Variants in TENM2 observed in about 807,000 individuals in gnomAD.
The protein encoded by TENM2 is teneurin transmembrane protein 2.
In TENM2, 52 loss-of-function variants were observed where a neutral mutation model predicts 245.2. That is an observed-to-expected ratio of 0.21 (90% CI 0.17 to 0.27). The LOEUF is 0.27. Ranked by LOEUF, TENM2 falls within the 10% of genes least tolerant of loss-of-function variation. TENM2 has a pLI of 1.00. For synonymous variants in TENM2, 1,363 were observed against 1,438.9 expected (o/e 0.95, Z 1.19); for missense variants, 3,046 against 3,666.8 (o/e 0.83, Z 4.37).
chr5:167,086,376 T>G, the TENM2 span, among the ~76,000 whole-genome samples: 6 of 152,270 alleles, frequency 3.9e-5, no homozygotes, highest in African/African-American at 1.4e-4. Context: ...CGTATCTTGG[T>G]GAAAGTTAAG....
intron 12 of TENM2, among the ~76,000 whole-genome samples, chr5:168,133,802 C>T (rs1346648995): frequency 6.6e-6 from 1 of 152,194 alleles, no homozygotes; most frequent in African/African-American, 2.4e-5. Context: ...CTCATCCATC[C>T]ACGTCTGCTT....
intron 3 of TENM2, among the ~76,000 whole-genome samples, chr5:167,905,336 A>G (rs1776008649): frequency 6.6e-6 from 1 of 152,234 alleles, no homozygotes; most frequent in Non-Finnish European, 1.5e-5. Flanking sequence ...TGGAGTTACC[A>G]CGAATGAATC....
At chr5:167,046,925 A>G in the TENM2 span, among the ~76,000 whole-genome samples, 1 of 145,296 alleles carries the variant, frequency 6.9e-6, no homozygotes, top group Admixed American at 7.0e-5. Context: ...CTCATTGTTC[A>G]CCTCCCACTT....
chr5:167,966,265 G>A (rs1781380802), intron 4 of TENM2, among the ~76,000 whole-genome samples: 1 of 152,190 alleles, frequency 6.6e-6, no homozygotes, highest in South Asian at 2.1e-4. Flanking sequence ...AAGAAGCACA[G>A]CTACTTGTTT....
At chr5:167,907,654 A>G (rs1776218333) in intron 3 of TENM2, among the ~76,000 whole-genome samples, 2 of 148,516 alleles carry the variant, frequency 1.3e-5, no homozygotes, top group South Asian at 2.2e-4. Context: ...TATAGTCCCA[A>G]CACTTTGGGA....
intron 2 of TENM2, among the ~76,000 whole-genome samples, chr5:167,482,638 G>A (rs1458280230): frequency 6.6e-6 from 1 of 152,082 alleles, no homozygotes; most frequent in Non-Finnish European, 1.5e-5. Context: ...TAAAACAGAG[G>A]TTGCTTTATC....
At chr5:167,738,373 C>G (rs1046090028) in intron 2 of TENM2, among the ~76,000 whole-genome samples, 3 of 152,182 alleles carry the variant, frequency 2.0e-5, no homozygotes, top group African/African-American at 4.8e-5. Context: ...GGAAGAGTGA[C>G]TTCTTGAGCT....
intron 2 of TENM2, among the ~76,000 whole-genome samples, chr5:167,388,435 T>G (rs1334033488): frequency 6.6e-6 from 1 of 152,182 alleles, no homozygotes; most frequent in African/African-American, 2.4e-5. Context: ...CTATCAATTT[T>G]ATTCATCTCT....
At chr5:167,638,675 A>G (rs530507590) in intron 2 of TENM2, among the ~76,000 whole-genome samples, 72 of 152,222 alleles carry the variant, frequency 4.7e-4, no homozygotes, top group Non-Finnish European at 9.4e-4. Flanking sequence ...ATTGCTTTCA[A>G]ATGAATACAT....
chr5:167,914,070 G>T (rs1776745179), intron 3 of TENM2, among the ~76,000 whole-genome samples: 2 of 152,168 alleles, frequency 1.3e-5, no homozygotes, highest in African/African-American at 4.8e-5. Context: ...AATGGGAAGG[G>T]GAGGATAGTA....
intron 4 of TENM2, among the ~76,000 whole-genome samples, chr5:167,966,704 G>A (rs1781410066): frequency 6.6e-6 from 1 of 152,106 alleles, no homozygotes; most frequent in African/African-American, 2.4e-5. Flanking sequence ...TCTACCTAAG[G>A]ATTAATTTTC....
intron 3 of TENM2, among the ~76,000 whole-genome samples, chr5:167,942,561 C>A (rs779197703): frequency 5.9e-5 from 9 of 152,082 alleles, no homozygotes; most frequent in African/African-American, 9.7e-5. Context: ...TATGGCAATG[C>A]CTCTTCCTCC....
intron 2 of TENM2, among the ~76,000 whole-genome samples, chr5:167,645,951 A>G (rs2150266803): frequency 6.6e-6 from 1 of 151,612 alleles, no homozygotes; most frequent in South Asian, 2.1e-4. Flanking sequence ...TTGTGCTATT[A>G]TTTTTCTTAT....
chr5:168,204,267 C>T, intron 18 of TENM2, 105 bp from the exon 21 acceptor site: 1 of 1,244,004 alleles, frequency 8.0e-7, no homozygotes, highest in African/African-American at 1.5e-5. Flanking sequence ...GCTCCCCGAG[C>T]ACTGAAGATT....
intron 5 of TENM2, among the ~76,000 whole-genome samples, chr5:168,023,420 C>T (rs1786333287): frequency 6.6e-6 from 1 of 152,136 alleles, no homozygotes; most frequent in East Asian, 1.9e-4. Flanking sequence ...CTCTCTCTGG[C>T]AGCCTGGCCC....
intron 3 of TENM2, chr5:167,952,242 A>G: frequency 2.6e-6 from 1 of 377,558 alleles, no homozygotes; most frequent in Non-Finnish European, 4.9e-6. Context: ...GAAAGGGAAT[A>G]GGGACTTGCT....
chr5:168,109,568 G>T (rs1183641312), intron 9 of TENM2, among the ~76,000 whole-genome samples: 1 of 152,224 alleles, frequency 6.6e-6, no homozygotes, highest in African/African-American at 2.4e-5. Context: ...CACACAGATT[G>T]CTGGGCTCCA....
chr5:166,979,174 TAGC>T, the TENM2 span, among the ~76,000 whole-genome samples: 1 of 132,384 alleles, frequency 7.6e-6, no homozygotes, highest in Non-Finnish European at 1.6e-5. Context: ...GTTTCCGAAG[TAGC>T]AGCAGCAGCA....
intron 2 of TENM2, among the ~76,000 whole-genome samples, chr5:167,853,297 A>AAAAAAAAAAAAAAAAAAAAAAAAAAG (rs1561856624): frequency 2.1e-5 from 3 of 141,504 alleles, no homozygotes; most frequent in African/African-American, 8.0e-5. Flanking sequence ...CTCAAAAAAA[A>AAAAAAAAAAAAAAAAAAAAAAAAAAG]AAAAAAAAAA....
Sources: allele counts gnomAD v4.1 joint callset (sites outside exome capture counted in the v4.1 genomes callset), GRCh38; gene constraint gnomAD v4.1.1; transcripts MANE v1.5; gene names NCBI Gene and HGNC (gene_info 2026-07-23, HGNC 2026-07-21).